L3MBTL4: variants seen among roughly 807,000 people sequenced by gnomAD.
L3MBTL4 encodes lethal(3)malignant brain tumor-like protein 4.
A neutral mutation model predicts 84.5 loss-of-function variants in L3MBTL4; 70 were observed. That is an observed-to-expected ratio of 0.83 (90% CI 0.68 to 1.01). The LOEUF (loss-of-function observed/expected upper bound fraction) is 1.01, where lower values mean the gene tolerates loss of function less well. L3MBTL4 is among the 50% of genes least tolerant of loss of function. The pLI is 0.00. For synonymous variants in L3MBTL4, 274 were observed against 259.8 expected (o/e 1.05, Z -0.52); for missense variants, 715 against 754.8 (o/e 0.95, Z 0.62).
At chr18:6,031,922 T>C in intron 16 of L3MBTL4, 4 of 761,494 alleles carry the variant, frequency 5.3e-6, no homozygotes, top group Non-Finnish European at 6.4e-6. Flanking sequence ...GTCACCTGCA[T>C]TGTGTGGTTT....
At chr18:6,054,802 T>A (rs988125271) in intron 16 of L3MBTL4, among the ~76,000 whole-genome samples, 4 of 152,236 alleles carry the variant, frequency 2.6e-5, no homozygotes, top group African/African-American at 9.6e-5. Flanking sequence ...CCATGAATGA[T>A]GCTGGGACCA....
chr18:6,107,334 A>T (rs1294007100), intron 14 of L3MBTL4, among the ~76,000 whole-genome samples: 1 of 152,106 alleles, frequency 6.6e-6, no homozygotes, highest in African/African-American at 2.4e-5. Context: ...CCAGAGGACA[A>T]TGTCTGGCTA....
At chr18:6,244,623 G>T in intron 5 of L3MBTL4, 35 bp from the exon 6 acceptor site, 1 of 1,373,114 alleles carries the variant, frequency 7.3e-7, no homozygotes, top group Non-Finnish European at 1.0e-6. Context: ...TAGCCACTGA[G>T]ATTTCATCAC....
At chr18:6,373,427 G>A (rs551294455) in intron 1 of L3MBTL4, among the ~76,000 whole-genome samples, 33 of 152,070 alleles carry the variant, frequency 2.2e-4, no homozygotes, top group Non-Finnish European at 3.8e-4. Flanking sequence ...TCCACTAGAC[G>A]TCCTTGACAT....
At chr18:6,146,838 G>A (rs1432232595) in intron 13 of L3MBTL4, among the ~76,000 whole-genome samples, 4 of 152,188 alleles carry the variant, frequency 2.6e-5, no homozygotes, top group Non-Finnish European at 5.9e-5. Flanking sequence ...TGATAGGCCA[G>A]TATCCCAGTG....
At chr18:5,958,442 G>C (rs751752999) in intron 18 of L3MBTL4, among the ~76,000 whole-genome samples, 1 of 152,152 alleles carries the variant, frequency 6.6e-6, no homozygotes, top group Non-Finnish European at 1.5e-5. Context: ...AGCATTTTCA[G>C]GCAAAAATTG....
At chr18:6,146,857 C>G (rs184185270) in intron 13 of L3MBTL4, among the ~76,000 whole-genome samples, 13 of 152,166 alleles carry the variant, frequency 8.5e-5, no homozygotes, top group Admixed American at 7.9e-4. Context: ...TGAGGATGAG[C>G]AGTGGGGCGA....
chr18:6,365,229 G>A (rs1274358682), intron 1 of L3MBTL4, among the ~76,000 whole-genome samples: 2 of 151,988 alleles, frequency 1.3e-5, no homozygotes, highest in African/African-American at 2.4e-5. Flanking sequence ...CTTTAGAAAG[G>A]TTACAAAATG....
In L3MBTL4 at chr18:6,239,868, C is replaced by T. The variant is rs2047382022; in HGVS notation, c.557G>A (p.Gly186Glu). Residue 186 changes from glycine (G) to glutamate (E), a missense_variant, in exon 9 of 19, where the codon GGG becomes GAG. Coordinates refer to ENST00000317931, the MANE Select transcript of L3MBTL4 (RefSeq NM_001330559.2). ...KKLFRNRSPN[G>E]PMSKEFQVGM... ...AACCTGAAATTCTTTAGACATTGGC[C>T]CATTCTAACGCAGCACCAGCAGGGG... The T allele has an allele frequency of 3.7e-6, 6 of 1,614,028 alleles. No individual in the cohort carries two copies. Among genetic ancestry groups the T allele is most frequent in the Non-Finnish European group, 5.1e-6 (6 of 1,179,996 alleles).
At chr18:6,397,632 T>G (rs572073097) in intron 1 of L3MBTL4, 6 of 152,206 alleles carry the variant, frequency 3.9e-5, no homozygotes, top group African/African-American at 1.4e-4. Flanking sequence ...GAGGATCGCT[T>G]GAGCTTAGGA....
At chr18:6,111,885 T>C (rs1168235195) in intron 14 of L3MBTL4, among the ~76,000 whole-genome samples, 1 of 152,178 alleles carries the variant, frequency 6.6e-6, no homozygotes, top group Non-Finnish European at 1.5e-5. Context: ...TTTTCAAGAA[T>C]ACAACACATT....
intron 16 of L3MBTL4, among the ~76,000 whole-genome samples, chr18:6,013,365 T>C (rs982000810): frequency 6.6e-6 from 1 of 152,226 alleles, no homozygotes; most frequent in Non-Finnish European, 1.5e-5. Context: ...TCAGCTACAA[T>C]TGGCTGGAAC....
At chr18:6,015,838 T>C (rs2054943153) in intron 16 of L3MBTL4, among the ~76,000 whole-genome samples, 1 of 152,160 alleles carries the variant, frequency 6.6e-6, no homozygotes, top group Admixed American at 6.5e-5. Context: ...CATGCACCTG[T>C]AGTCCCAGCT....
At chr18:6,101,304 C>A (rs552865642) in intron 14 of L3MBTL4, among the ~76,000 whole-genome samples, 29 of 152,158 alleles carry the variant, frequency 1.9e-4, no homozygotes, top group African/African-American at 6.8e-4. Context: ...AGCTGGTCTG[C>A]GTCCTTCTCT....
At chr18:5,960,390 G>A (rs568005577) in intron 17 of L3MBTL4, among the ~76,000 whole-genome samples, 10 of 152,268 alleles carry the variant, frequency 6.6e-5, no homozygotes, top group African/African-American at 2.4e-4. Context: ...TTATAATGAC[G>A]ACAGTAATAG....
chr18:6,028,524 TTTCTGG>T (rs1179140257), intron 16 of L3MBTL4, among the ~76,000 whole-genome samples: 1 of 152,242 alleles, frequency 6.6e-6, no homozygotes, highest in Non-Finnish European at 1.5e-5. Context: ...TATGGGCTCT[TTTCTGG>T]TTCCATATGA....
intron 4 of L3MBTL4, among the ~76,000 whole-genome samples, chr18:6,272,771 T>C (rs1239431671): frequency 2.5e-5 from 2 of 78,904 alleles, no homozygotes; most frequent in Non-Finnish European, 4.6e-5. Flanking sequence ...CAAATTCAAC[T>C]AGGACTGAAT....
At chr18:6,072,438 A>G (rs944935497) in intron 16 of L3MBTL4, among the ~76,000 whole-genome samples, 1 of 152,194 alleles carries the variant, frequency 6.6e-6, no homozygotes, top group Non-Finnish European at 1.5e-5. Context: ...TGTAAATGAG[A>G]AAATATTTTG....
intron 1 of L3MBTL4, among the ~76,000 whole-genome samples, chr18:6,327,853 C>G (rs188412689): frequency 6.6e-6 from 1 of 152,148 alleles, no homozygotes; most frequent in Non-Finnish European, 1.5e-5. Flanking sequence ...GAATTTTATA[C>G]GTTCTCATAT....
Sources: allele counts gnomAD v4.1 joint callset (sites outside exome capture counted in the v4.1 genomes callset), GRCh38; gene constraint gnomAD v4.1.1; transcripts MANE v1.5; gene names NCBI Gene and HGNC (gene_info 2026-07-23, HGNC 2026-07-21).